Variants in IHH observed in about 807,000 individuals in gnomAD.
IHH encodes Indian hedgehog signaling molecule.
Under a neutral mutation model 29.4 loss-of-function variants are expected in IHH, and 9 were observed. The observed-to-expected ratio is 0.31, with a 90% CI of 0.18 to 0.53. The LOEUF is 0.53. Ranked by LOEUF, IHH falls within the 20% of genes least tolerant of loss-of-function variation. The pLI, the probability that IHH is intolerant of heterozygous loss-of-function variation, is 0.95. For missense variants in IHH, 454 were observed against 578.1 expected, an observed-to-expected ratio of 0.79 and a Z score of 2.20; for synonymous variants, 254 against 252.7, an observed-to-expected ratio of 1.01 and a Z score of -0.05.
Position 219,059,076 on chromosome 2 carries a change from C to T in IHH, c.315+1077G>A, listed in dbSNP as rs1402637571. Among the ~76,000 whole-genome samples, 3 of 152,240 alleles carry T rather than the reference C, an allele frequency of 2.0e-5. No homozygotes were observed. The highest frequency in any genetic ancestry group is 7.2e-5 in the African/African-American group (3 of 41,472). Reference sequence around the variant, plus strand: ...CTCGGGTCCAGAGCCCGGGCGTGCGCTGTCAATGATTGCCCAGCCCGTGGC... The same window carrying T: ...CTCGGGTCCAGAGCCCGGGCGTGCGTTGTCAATGATTGCCCAGCCCGTGGC... On this transcript the variant is annotated intron_variant, in intron 1 of 2. Coordinates refer to ENST00000295731, the MANE Select transcript of IHH (RefSeq NM_002181.4). This position sits in a 1 kb window ranked among gnomAD's most constrained non-coding sequence, Gnocchi z 4.7.
Position 219,054,583 on chromosome 2 carries a change from C to G in IHH, c.*624G>C, listed in dbSNP as rs911888936. The G allele has an allele frequency of 6.6e-6, 1 of 152,154 alleles. No homozygotes were observed. The allele number at this position is 152,154 out of a possible 1,614,324, so 9.4% of individuals were successfully genotyped here. A position where few individuals can be genotyped will look rare whatever the true frequency, so the allele number is the denominator to read the frequency against. ...GGTTCAGCAGAAGGGGGAGCTTAGC[C>G]GGGGGGGTGGCAAGCACATCCAACC... On this transcript the variant is annotated 3_prime_UTR_variant, in exon 3 of 3. Transcript: ENST00000295731.
At chr2:219,057,768 C>T in intron 1 of IHH, 74 bp from the exon 2 acceptor site, 4 of 1,548,724 alleles carry the variant, frequency 2.6e-6, no homozygotes, top group East Asian at 2.4e-5. Context: ...CAGGTGTAGG[C>T]GCAGCCTCGC....
At chr2:219,057,122 G>A (rs918972479) in intron 2 of IHH, among the ~76,000 whole-genome samples, 1 of 152,204 alleles carries the variant, frequency 6.6e-6, no homozygotes, top group African/African-American at 2.4e-5. Context: ...CTGGCAGCCT[G>A]GCTTCCTCCA....
chr2:219,054,884 C>T lies in IHH; in HGVS notation c.*323G>A, dbSNP rs1176297159. The T allele has an allele frequency of 2.2e-5, 8 of 367,226 alleles. 1 individual carries two copies. The highest frequency in any genetic ancestry group is 1.6e-4 in the South Asian group (5 of 31,026). 22.7% of individuals were successfully genotyped at this position (367,226 alleles called of 1,614,324 possible). On this transcript the variant is annotated 3_prime_UTR_variant, in exon 3 of 3. Coordinates refer to ENST00000295731, the MANE Select transcript of IHH (RefSeq NM_002181.4). ...CCTAAGATGGATGGAATGGGCCCTCCCCAATGGGGGAGGCAGAGTATGAAA... is the reference window on the plus strand; with the variant it reads ...CCTAAGATGGATGGAATGGGCCCTCTCCAATGGGGGAGGCAGAGTATGAAA...
rs367575081 is a variant in IHH, at chr2:219,055,451, G to A, written c.992C>T (p.Pro331Leu). 64 of 1,611,742 alleles carry A rather than the reference G, an allele frequency of 4.0e-5. No homozygotes were observed. The Middle Eastern group carries it at 4.9e-4, about 12-fold the overall frequency. The stretch of plus-strand genomic sequence containing the variant: ...CACCAGTGTCCCATGCTTTGTGAGC[G>A]GGGCGTAGGCCCCGAGGGCCACGTG... ...STHVALGAYA[P>L]LTKHGTLVVE... Residue 331 changes from proline to leucine, a missense_variant, in exon 3 of 3, where the codon CCG becomes CTG. Around this residue, in one of 3 missense-constraint regions of IHH, gnomAD observed 271 missense variants for 315.9 expected, o/e 0.86. Coordinates refer to ENST00000295731, the MANE Select transcript of IHH (RefSeq NM_002181.4).
chr2:219,055,169 C>T lies in IHH; in HGVS notation c.*38G>A, dbSNP rs1948817992. On this transcript the variant is annotated 3_prime_UTR_variant, in exon 3 of 3. Transcript: ENST00000295731. ...CTCCTGGCTGAGAGGCTTCTGGACC[C>T]AGTACAGCAGTTCCAGGAGGGCAGC... is the stretch of plus-strand genomic sequence containing the variant. The T allele has an allele frequency of 3.2e-6, 5 of 1,549,202 alleles. No individual in the cohort carries two copies. The highest frequency in any genetic ancestry group is 1.2e-5 in the South Asian group (1 of 84,056).
Position 219,054,671 on chromosome 2 carries a change from C to G in IHH, c.*536G>C, listed in dbSNP as rs1948813986. The G allele has an allele frequency of 6.4e-6, 1 of 156,488 alleles. No individual in the cohort carries two copies. The highest frequency in any genetic ancestry group is 1.4e-5 in the Non-Finnish European group (1 of 70,704). The allele number at this position is 156,488 out of a possible 1,614,324, so 9.7% of individuals were successfully genotyped here. ...CAGAACACAGAACTCTGCCCACAGA[C>G]AGCAACAGTCTCTGGATGTGTCTTG... On this transcript the variant is annotated 3_prime_UTR_variant, in exon 3 of 3. Coordinates refer to ENST00000295731, the MANE Select transcript of IHH (RefSeq NM_002181.4).
chr2:219,058,833 C>G (rs567427025), intron 1 of IHH: 12 of 155,204 alleles, frequency 7.7e-5, no homozygotes, highest in African/African-American at 2.9e-4. Context: ...CCGGGCCTCA[C>G]AGACCCTTGG....
intron 2 of IHH, 64 bp from the exon 3 acceptor site, chr2:219,055,929 C>T (rs1291345329): frequency 6.5e-6 from 10 of 1,530,032 alleles, no homozygotes; most frequent in Admixed American, 3.8e-5. Context: ...TCACAACGAC[C>T]CTCCCTTGGC....
chr2:219,055,684 C>T lies in IHH; in HGVS notation c.759G>A (p.Arg253=), dbSNP rs1948824331. 2 of 1,613,932 alleles carry T rather than the reference C, an allele frequency of 1.2e-6. No individual in the cohort carries two copies. Among genetic ancestry groups the T allele is most frequent in the East Asian group, 2.2e-5 (1 of 44,890 alleles). ...TCTCGATGACCTGGAAGGCTCTCAG[C>T]CTGTGAGGCTCGCGGTCCAGGAAAA... is the stretch of plus-strand genomic sequence containing the variant. ...VLIFLDREPH[R]LRAFQVIETQ... The change falls in exon 3 of 3, where the codon AGG becomes AGA. Residue 253 remains arginine (R), a synonymous_variant. Coordinates refer to ENST00000295731, the MANE Select transcript of IHH (RefSeq NM_002181.4).
rs1158908977 is a variant in IHH, at chr2:219,054,902, G to A, written c.*305C>T. ...GGCCCTCCCCAATGGGGGAGGCAGA[G>A]TATGAAAACTCGTAGTGAGAGCAGG... On this transcript the variant is annotated 3_prime_UTR_variant, in exon 3 of 3. Transcript: ENST00000295731. 3 of 422,014 alleles carry A rather than the reference G, an allele frequency of 7.1e-6. No individual in the cohort carries two copies. The highest frequency in any genetic ancestry group is 1.3e-5 in the Non-Finnish European group (3 of 230,956). 26.1% of individuals were successfully genotyped at this position (422,014 alleles called of 1,614,324 possible). A position where few individuals can be genotyped will look rare whatever the true frequency, so the allele number is the denominator to read the frequency against.
At chr2:219,058,395 T>G (rs1317457714) in intron 1 of IHH, among the ~76,000 whole-genome samples, 2 of 152,254 alleles carry the variant, frequency 1.3e-5, no homozygotes, top group East Asian at 3.9e-4. Flanking sequence ...ACCGGCGGAT[T>G]AGCGCCAGGG....
intron 2 of IHH, among the ~76,000 whole-genome samples, chr2:219,056,387 G>A (rs1364220737): frequency 6.6e-6 from 1 of 152,184 alleles, no homozygotes; most frequent in Non-Finnish European, 1.5e-5. Flanking sequence ...GGCCAGGGGC[G>A]AGGACACAGT....
Position 219,060,441 on chromosome 2 carries a change from T to G in IHH, c.27A>C (p.Arg9=), listed in dbSNP as rs763763980. 1 of 1,566,850 alleles carries G rather than the reference T, an allele frequency of 6.4e-7. No homozygotes were observed. The highest frequency in any genetic ancestry group is 1.4e-5 in the African/African-American group (1 of 73,890). The change falls in exon 1 of 3, where the codon CGA becomes CGC. Residue 9 remains arginine, a synonymous_variant. Transcript: ENST00000295731. This position sits in a 1 kb window ranked among gnomAD's most constrained non-coding sequence, Gnocchi z 8.8. MSPARLRP[R]LHFCLVLLLL... is the part of the protein sequence containing the mutation. ...GCAACAGGACCAGGCAGAAGTGCAGTCGGGGCCGGAGCCGGGCGGGAGACA... is the reference window on the plus strand; with the variant it reads ...GCAACAGGACCAGGCAGAAGTGCAGGCGGGGCCGGAGCCGGGCGGGAGACA...
Position 219,055,407 on chromosome 2 carries a change from A to G in IHH, c.1036T>C (p.Ser346Pro). 1 of 1,613,280 alleles carries G rather than the reference A, an allele frequency of 6.2e-7. No individual in the cohort carries two copies. Among genetic ancestry groups the G allele is most frequent in the Non-Finnish European group, 8.5e-7 (1 of 1,180,008 alleles). Residue 346 changes from serine (S) to proline (P), a missense_variant, in exon 3 of 3, where the codon TCC (serine) becomes CCC (proline). Physicochemically the swap from Ser to Pro is moderately conservative, Grantham distance 74. Coordinates refer to ENST00000295731, the MANE Select transcript of IHH (RefSeq NM_002181.4). ...TGGTCAGCCACGGCCGCGAAGCAGG[A>G]TGCCACCACATCCTCCACCACCAGT... ...GTLVVEDVVA[S>P]CFAAVADHHL...
At position 219,055,030 on chromosome 2, in the gene IHH, C is replaced by T. The variant is rs1027576008; in HGVS notation, c.*177G>A. Reference sequence around the variant, plus strand: ...TTGCAGCTCTATGACTACACCACGACGGGGGTGGGGGACGCTGGTGTTGCC... The same window carrying T: ...TTGCAGCTCTATGACTACACCACGATGGGGGTGGGGGACGCTGGTGTTGCC... On this transcript the variant is annotated 3_prime_UTR_variant, in exon 3 of 3. Transcript: ENST00000295731. The T allele has an allele frequency of 1.1e-4, 75 of 681,160 alleles. No individual in the cohort carries two copies. Among genetic ancestry groups the T allele is most frequent in the Middle Eastern group, 8.1e-4 (2 of 2,478 alleles). The allele number at this position is 681,160 out of a possible 1,614,324, so 42.2% of individuals were successfully genotyped here.
Position 219,059,042 on chromosome 2 carries a change from C to T in IHH, c.315+1111G>A, listed in dbSNP as rs890828816. ...TCCCCGCCTCTCTCCCTCACTGCCA[C>T]CGCCCCCTCTCGGGTCCAGAGCCCG... On this transcript the variant is annotated intron_variant, in intron 1 of 2. Coordinates refer to ENST00000295731, the MANE Select transcript of IHH (RefSeq NM_002181.4). This position sits in a 1 kb window ranked among gnomAD's most constrained non-coding sequence, Gnocchi z 4.7. Among the ~76,000 whole-genome samples the T allele has an allele frequency of 1.3e-5, 2 of 152,166 alleles. No homozygotes were observed. The highest frequency in any genetic ancestry group is 4.8e-5 in the African/African-American group (2 of 41,444).
In IHH at chr2:219,055,502, G is replaced by A. The variant is rs775818911; in HGVS notation, c.941C>T (p.Pro314Leu). 4.3e-6 allele frequency: 7 copies of A among 1,609,808 alleles called. No homozygotes were observed. The Admixed American group carries it at 5.0e-5, about 12-fold the overall frequency. Residue 314 changes from proline (P) to leucine (L), a missense_variant, in exon 3 of 3, where the codon CCT (proline) becomes CTT (leucine). Coordinates refer to ENST00000295731, the MANE Select transcript of IHH (RefSeq NM_002181.4). ...TGTAGAGACAGCTGCCACGCGGGCA[G>A]GCTGCAGGCCTGGCACCCCAGCCAC... Reference protein sequence around the residue: ...VLVAGVPGLQPARVAAVSTHV... With the variant: ...VLVAGVPGLQLARVAAVSTHV...
rs1311493408 is a variant in IHH, at chr2:219,059,869, G to A, written c.315+284C>T. Among the ~76,000 whole-genome samples, 1 of 152,234 alleles carries A rather than the reference G, an allele frequency of 6.6e-6. No homozygotes were observed. Among genetic ancestry groups the A allele is most frequent in the African/African-American group, 2.4e-5 (1 of 41,458 alleles). On this transcript the variant is annotated intron_variant, in intron 1 of 2. Transcript: ENST00000295731. This position sits in a 1 kb window ranked among gnomAD's most constrained non-coding sequence, Gnocchi z 4.7. ...GTACCTCCGGGTGCAGCGTCTGGCTGAGCTGCCAGTACTTTGGGGCAGAGG... is the reference window on the plus strand; with the variant it reads ...GTACCTCCGGGTGCAGCGTCTGGCTAAGCTGCCAGTACTTTGGGGCAGAGG...
Sources: allele counts gnomAD v4.1 joint callset (sites outside exome capture counted in the v4.1 genomes callset), GRCh38; gene constraint gnomAD v4.1.1; regional missense constraint gnomAD v4.1.1; non-coding constraint Gnocchi (gnomAD v3.1); transcripts MANE v1.5; gene names NCBI Gene and HGNC (gene_info 2026-07-23, HGNC 2026-07-21).